Variants in CFAP61 observed in about 807,000 individuals in gnomAD.
The protein encoded by CFAP61 is cilia and flagella associated protein 61.
CFAP61 carries 107 observed loss-of-function variants against 135.6 expected under a neutral mutation model. The ratio of observed to expected loss-of-function variants is 0.79; its 90% CI spans 0.67 to 0.93. The LOEUF is 0.93. Among genes scored for constraint, CFAP61 ranks in the 40% least tolerant of loss-of-function variants. The pLI is 0.00. For missense variants in CFAP61, 1,507 were observed against 1,556.2 expected, an observed-to-expected ratio of 0.97 and a Z score of 0.53; for synonymous variants, 575 against 578.5, an observed-to-expected ratio of 0.99 and a Z score of 0.09.
chr20:20,182,182 A>G (rs1256222685), intron 13 of CFAP61, among the ~76,000 whole-genome samples: 1 of 152,264 alleles, frequency 6.6e-6, no homozygotes, highest in African/African-American at 2.4e-5. Context: ...ATCTGAGAAT[A>G]GGGTAAGAAA....
At chr20:20,167,937 A>C (rs2053951910) in intron 12 of CFAP61, among the ~76,000 whole-genome samples, 1 of 152,212 alleles carries the variant, frequency 6.6e-6, no homozygotes, top group Non-Finnish European at 1.5e-5. Flanking sequence ...AGCTGCGTGA[A>C]GCTCAGATAG....
intron 8 of CFAP61, among the ~76,000 whole-genome samples, chr20:20,118,253 G>GTTCCTTTC (rs1201152599): frequency 0.022 from 2,995 of 138,598 alleles, 157 homozygotes; most frequent in East Asian, 0.19. Flanking sequence ...TTTGAGGTAT[G>GTTCCTTTC]TTTCTTTCTT....
chr20:20,109,221 A>G (rs377664148), intron 8 of CFAP61, among the ~76,000 whole-genome samples: 4 of 152,334 alleles, frequency 2.6e-5, no homozygotes, highest in African/African-American at 9.6e-5. Context: ...TCACTTGACT[A>G]AAGTGACTCT....
intron 21 of CFAP61, among the ~76,000 whole-genome samples, chr20:20,273,646 C>T (rs1318709507): frequency 1.3e-5 from 2 of 152,248 alleles, no homozygotes; most frequent in African/African-American, 4.8e-5. Flanking sequence ...ATTACAGTCA[C>T]ATCTAGTGTA....
chr20:20,244,155 A>G (rs953616749), intron 18 of CFAP61, among the ~76,000 whole-genome samples: 1 of 152,040 alleles, frequency 6.6e-6, no homozygotes, highest in East Asian at 1.9e-4. Flanking sequence ...CCAGACATAC[A>G]GTGCAAGCTG....
intron 9 of CFAP61, among the ~76,000 whole-genome samples, chr20:20,159,013 A>C (rs1473865972): frequency 6.6e-6 from 1 of 152,232 alleles, no homozygotes; most frequent in Non-Finnish European, 1.5e-5. Context: ...ATAATACCTC[A>C]ATACAGTAGT....
At chr20:20,208,169 G>A (rs997161742) in intron 17 of CFAP61, among the ~76,000 whole-genome samples, 3 of 152,170 alleles carry the variant, frequency 2.0e-5, no homozygotes, top group Non-Finnish European at 4.4e-5. Context: ...GCAAATGAGC[G>A]TTAAGCCAGT....
chr20:20,359,700 C>T lies in CFAP61; in HGVS notation c.3514-510C>T, dbSNP rs1255570540. The stretch of plus-strand genomic sequence containing the variant: ...AAACAAAACAACAACAACAACAAAA[C>T]AAGTATGATCTACAGATGATTTTTA... On this transcript the variant is annotated intron_variant, in intron 26 of 26. Coordinates refer to ENST00000245957, the MANE Select transcript of CFAP61 (RefSeq NM_015585.4). The surrounding 1 kb of genome is among the most constrained non-coding windows in gnomAD (Gnocchi z 4.0). Among the ~76,000 whole-genome samples, 1 of 98,280 alleles carries T rather than the reference C, an allele frequency of 1.0e-5. No individual in the cohort carries two copies. The highest frequency in any genetic ancestry group is 3.2e-5 in the African/African-American group (1 of 31,386). The allele number at this position is 98,280 out of a possible 152,430, so 64.5% of individuals were successfully genotyped here. A position where few individuals can be genotyped will look rare whatever the true frequency, so the allele number is the denominator to read the frequency against.
chr20:20,123,569 A>G (rs1359347520), intron 8 of CFAP61, among the ~76,000 whole-genome samples: 1 of 151,318 alleles, frequency 6.6e-6, no homozygotes, highest in Non-Finnish European at 1.5e-5. Context: ...ATTTGGGTTT[A>G]TTTCTGGGTT....
intron 24 of CFAP61, among the ~76,000 whole-genome samples, chr20:20,294,939 A>ATAATAATAATAATAATAG (rs1208221005): frequency 9.9e-6 from 1 of 100,622 alleles, no homozygotes; most frequent in Non-Finnish European, 2.1e-5. Context: ...CGTCTCAAAA[A>ATAATAATAATAATAATAG]TAATAATAAT....
rs375406384 is a variant in CFAP61, at chr20:20,170,649, A to G, written c.1385+1189A>G. 1.5e-4 allele frequency among the ~76,000 whole-genome samples: 23 copies of G among 152,310 alleles called. No homozygotes were observed. The East Asian group carries it at 4.2e-3, about 28-fold the overall frequency. ...ATGAAAAGTTTGGTGGAGGAGTGTCAGAGAGCTCACTCTATAATTGCTGTG... is the reference window on the plus strand; with the variant it reads ...ATGAAAAGTTTGGTGGAGGAGTGTCGGAGAGCTCACTCTATAATTGCTGTG... On this transcript the variant is annotated intron_variant, in intron 13 of 26. Transcript: ENST00000245957.
At chr20:20,059,350 AAAG>A (rs2044626357) in intron 2 of CFAP61, among the ~76,000 whole-genome samples, 1 of 149,646 alleles carries the variant, frequency 6.7e-6, no homozygotes. Context: ...AAAAAAAAAA[AAAG>A]GATTAAAGAC....
intron 20 of CFAP61, among the ~76,000 whole-genome samples, chr20:20,261,631 A>G (rs926417056): frequency 2.4e-4 from 37 of 152,152 alleles, no homozygotes; most frequent in Admixed American, 2.4e-3. Context: ...GGTTTTTGCA[A>G]TGACACTTCT....
chr20:20,296,813 CCT>C (rs1439987401), intron 24 of CFAP61, among the ~76,000 whole-genome samples: 1 of 151,874 alleles, frequency 6.6e-6, no homozygotes, highest in Admixed American at 6.5e-5. Context: ...AATATATCTC[CCT>C]GTTATGAAAT....
In CFAP61 at chr20:20,188,052, A is replaced by G. The variant is rs2055642346; in HGVS notation, c.1508A>G (p.Asp503Gly). Residue 503 changes from aspartate (D) to glycine (G), a missense_variant, in exon 14 of 27, where the codon GAC (aspartate) becomes GGC (glycine). Coordinates refer to ENST00000245957, the MANE Select transcript of CFAP61 (RefSeq NM_015585.4). ...GACCGTTACAACAAGGCTCGCAAAG[A>G]CCCTGTAAGTACCTGTTGTGACCAG... Reference protein sequence around the residue: ...DLDRYNKARKDPDGTLLQAFV... With the variant: ...DLDRYNKARKGPDGTLLQAFV... 1.2e-6 allele frequency: 2 copies of G among 1,614,174 alleles called. No homozygotes were observed. The highest frequency in any genetic ancestry group is 2.2e-5 in the South Asian group (2 of 91,086).
intron 8 of CFAP61, among the ~76,000 whole-genome samples, chr20:20,110,827 T>C (rs1260267185): frequency 6.6e-6 from 1 of 152,180 alleles, no homozygotes; most frequent in African/African-American, 2.4e-5. Context: ...TTGAAGTTCA[T>C]GTCAAGCCAT....
At chr20:20,187,876 G>C in intron 13 of CFAP61, 54 bp from the exon 14 acceptor site, 1 of 1,390,390 alleles carries the variant, frequency 7.2e-7, no homozygotes, top group Non-Finnish European at 1.0e-6. Flanking sequence ...CTCCATTTGG[G>C]GGGAATACAT....
intron 19 of CFAP61, among the ~76,000 whole-genome samples, chr20:20,247,925 T>C (rs567480902): frequency 5.3e-5 from 8 of 152,362 alleles, no homozygotes; most frequent in African/African-American, 1.9e-4. Context: ...TGCTCTGTTT[T>C]TTTCTTGCTA....
At chr20:20,071,551 T>G (rs1436074270) in intron 3 of CFAP61, among the ~76,000 whole-genome samples, 1 of 152,142 alleles carries the variant, frequency 6.6e-6, no homozygotes, top group Non-Finnish European at 1.5e-5. Context: ...AGTCTGAGCT[T>G]TCTCTGCATG....
Sources: gnomAD v4.1 joint callset for allele counts (sites outside exome capture counted in the v4.1 genomes callset) on GRCh38, gnomAD v4.1.1 for gene constraint, Gnocchi (gnomAD v3.1) non-coding constraint, MANE v1.5 for transcripts, NCBI Gene and HGNC (gene_info 2026-07-23, HGNC 2026-07-21) for gene names.